Variants in ERAP2 observed in about 807,000 individuals in gnomAD.
The protein encoded by ERAP2 is endoplasmic reticulum aminopeptidase 2, also known as leukocyte-derived arginine aminopeptidase.
ERAP2 carries 118 observed loss-of-function variants against 111.1 expected under a neutral mutation model. The observed-to-expected ratio is 1.06, with a 90% CI of 0.92 to 1.24. The LOEUF (loss-of-function observed/expected upper bound fraction) is 1.24. ERAP2 is among the 50% of genes most tolerant of loss of function. ERAP2 has a pLI of 0.00. For missense variants in ERAP2, 1,131 were observed against 1,125.8 expected (o/e 1.00, Z -0.07); for synonymous variants, 410 against 401.2 (o/e 1.02, Z -0.26).
At chr5:96,907,029 AAAAACAAAAC>A (rs551214151) in intron 13 of ERAP2, among the ~76,000 whole-genome samples, 9 of 152,218 alleles carry the variant, frequency 5.9e-5, no homozygotes, top group South Asian at 2.1e-4. Flanking sequence ...ACTCCATCTC[AAAAACAAAAC>A]AAAACAAAAC....
rs1581910698 is a variant in ERAP2 at position 96,912,715 on chromosome 5, A to G, written c.2433A>G (p.Gln811=). 4 of 1,605,444 alleles carry G rather than the reference A, an allele frequency of 2.5e-6. No homozygotes were observed. The highest frequency in any genetic ancestry group is 3.4e-6 in the Non-Finnish European group (4 of 1,177,378). Residue 811 remains glutamine (Q), a synonymous_variant, in exon 16 of 19, where the codon CAA becomes CAG. Coordinates refer to ENST00000437043, the MANE Select transcript of ERAP2 (RefSeq NM_022350.5). The part of the protein sequence containing the change: ...TTAGWNYLLE[Q]YELSMSSAEQ... ...CAGGATGGAATTACCTTTTAGAGCA[A>G]TATGAACTGTCAATGTCAAGTGCTG...
At chr5:96,900,328 A>T in intron 10 of ERAP2, 139 bp downstream of exon 10, 1 of 1,326,222 alleles carries the variant, frequency 7.5e-7, no homozygotes, top group Non-Finnish European at 1.0e-6. Flanking sequence ...CTCTAAAACA[A>T]AACTGAAGGG....
Position 96,879,665 on chromosome 5 carries a change from G to A in ERAP2, c.-21G>A, listed in dbSNP as rs779892039. ...ACGAGATTAGCCTGGATATTAACTT[G>A]TCTTCTAGAGAATAGATTTCATGTT... On this transcript the variant is annotated 5_prime_UTR_variant, in exon 2 of 19. Coordinates refer to ENST00000437043, the MANE Select transcript of ERAP2 (RefSeq NM_022350.5). 6.2e-7 allele frequency: 1 copy of A among 1,602,734 alleles called. No homozygotes were observed. Among genetic ancestry groups the A allele is most frequent in the Non-Finnish European group, 8.5e-7 (1 of 1,170,466 alleles).
chr5:96,907,558 A>T (rs1041555426), intron 13 of ERAP2, among the ~76,000 whole-genome samples: 2 of 145,364 alleles, frequency 1.4e-5, no homozygotes, highest in Admixed American at 1.4e-4. Flanking sequence ...GGGAAGGAGT[A>T]GCAACATTTT....
At chr5:96,905,944 A>ATTTTT (rs34095051) in intron 13 of ERAP2, among the ~76,000 whole-genome samples, 1 of 139,602 alleles carries the variant, frequency 7.2e-6, no homozygotes. Context: ...TTTCTTTTTA[A>ATTTTT]TTTTTTTTTT....
intron 4 of ERAP2, among the ~76,000 whole-genome samples, chr5:96,888,819 T>C (rs1315717419): frequency 1.3e-5 from 2 of 152,194 alleles, no homozygotes; most frequent in Non-Finnish European, 2.9e-5. Flanking sequence ...TTGAATTGTG[T>C]TTGTGGTCAT....
intron 3 of ERAP2, among the ~76,000 whole-genome samples, chr5:96,884,499 T>G (rs1327585828): frequency 6.6e-6 from 1 of 152,054 alleles, no homozygotes; most frequent in African/African-American, 2.4e-5. Flanking sequence ...CTTTTAAGTT[T>G]CACAAGTAAT....
At chr5:96,908,910 T>C in intron 13 of ERAP2, 51 bp from the exon 14 acceptor site, 3 of 1,533,178 alleles carry the variant, frequency 2.0e-6, no homozygotes, top group Non-Finnish European at 2.6e-6. Flanking sequence ...GTTAAAAATA[T>C]TAAAAACTAT....
chr5:96,904,070 T>C (rs763024018), intron 13 of ERAP2, among the ~76,000 whole-genome samples: 4 of 152,252 alleles, frequency 2.6e-5, no homozygotes, highest in Non-Finnish European at 4.4e-5. Flanking sequence ...AATATAGTCT[T>C]AACTTTTATA....
Position 96,917,777 on chromosome 5 carries a change from G to T in ERAP2, c.*172G>T, listed in dbSNP as rs1450490046. 7.5e-6 allele frequency: 3 copies of T among 401,552 alleles called. No individual in the cohort carries two copies. In the Admixed American group the frequency reaches 1.3e-4, roughly 17 times the overall value. 24.9% of individuals were successfully genotyped at this position (401,552 alleles called of 1,614,324 possible). ...AAAAATTAGCCGGGCATGGTGGCAG[G>T]TGCCTGTAGTCCCAGCTACTCGGCA... is the stretch of plus-strand genomic sequence containing the variant. On this transcript the variant is annotated 3_prime_UTR_variant, in exon 19 of 19. Transcript: ENST00000437043.
At chr5:96,908,933 A>AGCC (rs1183150770) in intron 13 of ERAP2, 28 bp from the exon 14 acceptor site, 4 of 1,599,522 alleles carry the variant, frequency 2.5e-6, no homozygotes, top group Non-Finnish European at 2.6e-6. Context: ...GATATGCACA[A>AGCC]ACCACTGACA....
chr5:96,895,623 G>A (rs1256763184), intron 7 of ERAP2, among the ~76,000 whole-genome samples: 1 of 152,182 alleles, frequency 6.6e-6, no homozygotes, highest in Non-Finnish European at 1.5e-5. Context: ...TATGTGGGTT[G>A]AGAGGAAAGA....
intron 13 of ERAP2, among the ~76,000 whole-genome samples, chr5:96,904,635 G>A (rs756919353): frequency 6.6e-6 from 1 of 152,218 alleles, no homozygotes; most frequent in Non-Finnish European, 1.5e-5. Context: ...GCTATTGCTA[G>A]TTGAAGGAGG....
chr5:96,909,249 A>G (rs1407918242), intron 14 of ERAP2, 132 bp downstream of exon 14: 21 of 797,354 alleles, frequency 2.6e-5, no homozygotes, highest in Non-Finnish European at 3.6e-5. Context: ...GATAGCATGT[A>G]ATGGTCAATG....
chr5:96,886,578 C>T (rs1581805697), intron 3 of ERAP2, 77 bp from the exon 4 acceptor site: 2 of 1,284,938 alleles, frequency 1.6e-6, no homozygotes, highest in East Asian at 2.6e-5. Context: ...GCCTCTAACT[C>T]ACCTGCCATA....
Position 96,903,457 on chromosome 5 carries a change from G to A in ERAP2, c.1909G>A (p.Gly637Ser), listed in dbSNP as rs746818498. The part of the protein sequence containing the change: ...SNGYYIVHYE[G>S]HGWDQLITQL... ...TGGTTACTACATCGTTCACTATGAG[G>A]GTCATGGATGGGACCAACTCATTAC... The change falls in exon 13 of 19, where the codon GGT becomes AGT. Residue 637 changes from glycine to serine, a missense_variant. Coordinates refer to ENST00000437043, the MANE Select transcript of ERAP2 (RefSeq NM_022350.5). 9 of 1,613,840 alleles carry A rather than the reference G, an allele frequency of 5.6e-6. No individual in the cohort carries two copies. Among genetic ancestry groups the A allele is most frequent in the African/African-American group, 1.3e-5 (1 of 74,916 alleles).
At chr5:96,883,671 T>C (rs1190847665) in intron 2 of ERAP2, 121 bp from the exon 3 acceptor site, 19 of 939,180 alleles carry the variant, frequency 2.0e-5, no homozygotes, top group Non-Finnish European at 3.0e-5. Flanking sequence ...TCACAAAGAT[T>C]GCAGTTTGAG....
intron 18 of ERAP2, among the ~76,000 whole-genome samples, chr5:96,916,247 C>CA (rs994276286): frequency 4.0e-5 from 2 of 50,602 alleles, no homozygotes; most frequent in East Asian, 1.2e-3. Flanking sequence ...AAAACAAAAA[C>CA]AAAAAACAAC....
At chr5:96,885,387 T>G (rs1162595239) in intron 3 of ERAP2, among the ~76,000 whole-genome samples, 2 of 152,204 alleles carry the variant, frequency 1.3e-5, no homozygotes, top group Non-Finnish European at 2.9e-5. Flanking sequence ...TGGGGAAAAT[T>G]AATTTGCTGG....
Sources: gnomAD v4.1 joint callset for allele counts (sites outside exome capture counted in the v4.1 genomes callset) on GRCh38, gnomAD v4.1.1 for gene constraint, MANE v1.5 for transcripts, NCBI Gene and HGNC (gene_info 2026-07-23, HGNC 2026-07-21) for gene names.